Variants in SENP6 observed in about 807,000 individuals in gnomAD.
SENP6 encodes the protein SUMO specific peptidase 6.
Under a neutral mutation model 134.5 loss-of-function variants are expected in SENP6, and 41 were observed. That is an observed-to-expected ratio of 0.30 (90% CI 0.24 to 0.40). SENP6 has a LOEUF of 0.40. SENP6 is among the 10% of genes least tolerant of loss of function. The probability of loss-of-function intolerance (pLI) is 1.00; values close to 1 mark genes in which losing one functional copy is unlikely to be tolerated. For synonymous variants in SENP6, 395 were observed against 429.8 expected (o/e 0.92, Z 1.00); for missense variants, 1,248 against 1,312.5 (o/e 0.95, Z 0.76).
At chr6:75,711,566 G>T in intron 21 of SENP6, 150 bp downstream of exon 21, 1 of 518,578 alleles carries the variant, frequency 1.9e-6, no homozygotes, top group Non-Finnish European at 3.4e-6. Flanking sequence ...TGCTATCTAG[G>T]GATTAAAATG....
chr6:75,650,596 CATT>C (rs1199633630), intron 7 of SENP6, among the ~76,000 whole-genome samples: 1 of 152,126 alleles, frequency 6.6e-6, no homozygotes, highest in Non-Finnish European at 1.5e-5. Context: ...GCTGTGGACT[CATT>C]ATTAATAAAT....
intron 18 of SENP6, among the ~76,000 whole-genome samples, chr6:75,701,514 T>C (rs2149898810): frequency 6.6e-6 from 1 of 152,188 alleles, no homozygotes; most frequent in African/African-American, 2.4e-5. Context: ...ATTTTTGATA[T>C]TAAGCCTTTC....
intron 16 of SENP6, 68 bp from the exon 17 acceptor site, chr6:75,695,736 C>CA: frequency 3.0e-6 from 4 of 1,353,182 alleles, no homozygotes; most frequent in South Asian, 1.5e-5. Flanking sequence ...GACTCTGTCT[C>CA]AAAAAAATAG....
intron 10 of SENP6, among the ~76,000 whole-genome samples, chr6:75,670,095 G>T (rs1467589723): frequency 6.6e-6 from 1 of 152,062 alleles, no homozygotes; most frequent in Non-Finnish European, 1.5e-5. Flanking sequence ...ACAGGCACCT[G>T]CCACCACACC....
At chr6:75,629,856 T>C (rs1385953650) in intron 3 of SENP6, among the ~76,000 whole-genome samples, 1 of 152,114 alleles carries the variant, frequency 6.6e-6, no homozygotes, top group African/African-American at 2.4e-5. Flanking sequence ...GGAGCATAGA[T>C]TTAGGTTCTC....
intron 17 of SENP6, among the ~76,000 whole-genome samples, 175 bp from the exon 18 acceptor site, chr6:75,697,250 C>T (rs1774720899): frequency 6.6e-6 from 1 of 152,134 alleles, no homozygotes; most frequent in Admixed American, 6.6e-5. Context: ...ATGGGTAGTC[C>T]CATGCCTTCC....
chr6:75,695,767 T>A, intron 16 of SENP6, 37 bp from the exon 17 acceptor site: 1 of 1,480,112 alleles, frequency 6.8e-7, no homozygotes, highest in Non-Finnish European at 9.2e-7. Context: ...AGTGAACTGT[T>A]ACATTAATTA....
At position 75,602,539 on chromosome 6, in the gene SENP6, G is replaced by A; in HGVS notation, c.15G>A (p.Lys5=). ...GGAGGAGGAAGATGGCGGCCGGCAA[G>A]AGCGGCGGTAGCGCAGGGGAGATTA... MAAG[K]SGGSAGEITF... The change falls in exon 1 of 24, where the codon AAG becomes AAA. Residue 5 remains lysine, a synonymous_variant. Coordinates refer to ENST00000447266, the MANE Select transcript of SENP6 (RefSeq NM_015571.4). The A allele has an allele frequency of 2.6e-6, 4 of 1,551,580 alleles. No homozygotes were observed. The highest frequency in any genetic ancestry group is 2.0e-5 in the Admixed American group (1 of 51,010).
intron 16 of SENP6, among the ~76,000 whole-genome samples, chr6:75,680,859 A>C (rs557615281): frequency 6.6e-6 from 1 of 152,122 alleles, no homozygotes; most frequent in Non-Finnish European, 1.5e-5. Flanking sequence ...ATGAGGTAAC[A>C]CCCTACTACC....
At chr6:75,665,576 T>C (rs1267466086) in intron 9 of SENP6, among the ~76,000 whole-genome samples, 3 of 152,216 alleles carry the variant, frequency 2.0e-5, no homozygotes, top group Non-Finnish European at 4.4e-5. Context: ...TTTGCTACGA[T>C]TCAGTAATGA....
chr6:75,602,570 C>G lies in SENP6; in HGVS notation c.46C>G (p.Leu16Val), dbSNP rs1561951917. ...CGGTAGCGCAGGGGAGATTACTTTTCTGGAAGGTACGTCTGTTTCTGCCCT... is the reference window on the plus strand; with the variant it reads ...CGGTAGCGCAGGGGAGATTACTTTTGTGGAAGGTACGTCTGTTTCTGCCCT... ...SGGSAGEITF[L>V]EALARSESKR... Residue 16 changes from leucine to valine, a missense_variant, in exon 1 of 24, where the codon CTG becomes GTG. By Grantham distance (32) the Leu-to-Val change is conservative. Transcript: ENST00000447266. 1 of 1,551,428 alleles carries G rather than the reference C, an allele frequency of 6.4e-7. No homozygotes were observed. Among genetic ancestry groups the G allele is most frequent in the Non-Finnish European group, 8.7e-7 (1 of 1,146,846 alleles).
intron 16 of SENP6, among the ~76,000 whole-genome samples, chr6:75,685,074 G>A (rs146859116): frequency 0.019 from 2,940 of 152,204 alleles, 104 homozygotes; most frequent in African/African-American, 0.067. Flanking sequence ...CTCAATTTCA[G>A]AGCCTGTTAC....
In SENP6 at chr6:75,613,008, G is replaced by A. The variant is rs1435346495; in HGVS notation, c.53-8524G>A. Among the ~76,000 whole-genome samples the A allele has an allele frequency of 2.6e-5, 4 of 152,180 alleles. No homozygotes were observed. In the East Asian group the frequency reaches 7.8e-4, roughly 29 times the overall value. On this transcript the variant is annotated intron_variant, in intron 1 of 23. Transcript: ENST00000447266. ...ATATGCCTGTAATCCCAGCTACTTG[G>A]GAGGCTGAGGCACGAGAATCGCTTG... is the stretch of plus-strand genomic sequence containing the variant.
chr6:75,662,152 G>A (rs1043392197), intron 8 of SENP6, among the ~76,000 whole-genome samples: 9 of 152,204 alleles, frequency 5.9e-5, no homozygotes, highest in African/African-American at 2.2e-4. Flanking sequence ...CTCAAAGACA[G>A]ACTTATTAAG....
At chr6:75,650,116 A>G (rs915754339) in intron 7 of SENP6, among the ~76,000 whole-genome samples, 5 of 152,166 alleles carry the variant, frequency 3.3e-5, no homozygotes, top group Non-Finnish European at 5.9e-5. Context: ...GTTGCTTTGT[A>G]TAATGCCTCT....
intron 4 of SENP6, among the ~76,000 whole-genome samples, chr6:75,634,027 A>T (rs1769314830): frequency 6.6e-6 from 1 of 152,192 alleles, no homozygotes; most frequent in Non-Finnish European, 1.5e-5. Context: ...AGCACAATAG[A>T]GTGGTGTGGT....
At chr6:75,701,721 C>T (rs1775047066) in intron 18 of SENP6, among the ~76,000 whole-genome samples, 2 of 136,286 alleles carry the variant, frequency 1.5e-5, no homozygotes, top group South Asian at 2.3e-4. Context: ...CTCACTGCAA[C>T]CTCCGCCTCC....
intron 16 of SENP6, among the ~76,000 whole-genome samples, chr6:75,692,880 A>G (rs66926998): frequency 0.27 from 41,415 of 151,708 alleles, 6,429 homozygotes; most frequent in Non-Finnish European, 0.37. Context: ...CCTGGACAAC[A>G]TGGCGAAACC....
intron 3 of SENP6, among the ~76,000 whole-genome samples, chr6:75,631,914 A>G (rs766374683): frequency 3.3e-5 from 5 of 152,178 alleles, no homozygotes; most frequent in Non-Finnish European, 5.9e-5. Flanking sequence ...ATATCCTCGG[A>G]TGAAGCATTG....
Sources: allele counts gnomAD v4.1 joint callset (sites outside exome capture counted in the v4.1 genomes callset), GRCh38; gene constraint gnomAD v4.1.1; transcripts MANE v1.5; gene names NCBI Gene and HGNC (gene_info 2026-07-23, HGNC 2026-07-21).